The following LINGO2 variants were observed in gnomAD, a reference collection of about 807,000 sequenced individuals.
LINGO2 encodes the protein leucine rich repeat and Ig domain containing 2.
A neutral mutation model predicts 30.6 loss-of-function variants in LINGO2; 14 were observed. That is an observed-to-expected ratio of 0.46 (90% CI 0.30 to 0.72). The LOEUF (loss-of-function observed/expected upper bound fraction) is 0.72. LINGO2 is among the 30% of genes least tolerant of loss of function. The pLI is 0.07. For missense variants in LINGO2, 729 were observed against 751.7 expected (o/e 0.97, Z 0.35); for synonymous variants, 317 against 288.5 (o/e 1.10, Z -1.00).
intron 5 of LINGO2, among the ~76,000 whole-genome samples, chr9:27,979,719 G>A (rs16912195): frequency 0.023 from 3,539 of 152,000 alleles, 164 homozygotes; most frequent in East Asian, 0.16. Flanking sequence ...ATTTGGAAGA[G>A]CATTCCACTG....
At chr9:28,678,092 T>G in the LINGO2 span, among the ~76,000 whole-genome samples, 1 of 151,188 alleles carries the variant, frequency 6.6e-6, no homozygotes, top group African/African-American at 2.4e-5. Context: ...TCTTAAAATA[T>G]CAATTGGATC....
At chr9:28,124,726 A>G (rs1827191072) in intron 4 of LINGO2, among the ~76,000 whole-genome samples, 1 of 152,228 alleles carries the variant, frequency 6.6e-6, no homozygotes. Flanking sequence ...ATTCATTAGT[A>G]ATGTTCTGGG....
chr9:29,054,523 C>G, the LINGO2 span, among the ~76,000 whole-genome samples: 1 of 152,224 alleles, frequency 6.6e-6, no homozygotes, highest in South Asian at 2.1e-4. Flanking sequence ...AGCAAAATTA[C>G]AAATGCTTTT....
intron 5 of LINGO2, among the ~76,000 whole-genome samples, chr9:27,975,470 G>T (rs952538181): frequency 1.9e-4 from 29 of 152,112 alleles, no homozygotes; most frequent in African/African-American, 7.0e-4. Context: ...TTTCTATCAT[G>T]ATCAATTTCT....
the LINGO2 span, among the ~76,000 whole-genome samples, chr9:28,943,902 G>A: frequency 4.4e-3 from 672 of 152,138 alleles, 5 homozygotes; most frequent in African/African-American, 0.015. Context: ...GATTAACTTC[G>A]TAAAGGAACC....
At chr9:27,950,495 G>T (rs1819247572) in exon 6 of LINGO2, 2 of 1,596,062 alleles carry the variant, frequency 1.3e-6, no homozygotes, top group Non-Finnish European at 1.7e-6. Flanking sequence ...CCAAGATTTT[G>T]GTTTCGATGG....
At chr9:28,381,791 G>A (rs1411622498) in intron 2 of LINGO2, among the ~76,000 whole-genome samples, 5 of 152,016 alleles carry the variant, frequency 3.3e-5, no homozygotes, top group Non-Finnish European at 5.9e-5. Context: ...CATTTATGTC[G>A]CACTTCTAAC....
At chr9:29,155,368 A>T in the LINGO2 span, among the ~76,000 whole-genome samples, 1 of 152,044 alleles carries the variant, frequency 6.6e-6, no homozygotes, top group African/African-American at 2.4e-5. Flanking sequence ...TGAATGATAG[A>T]TCTCTACTTT....
chr9:28,227,914 A>G (rs571968550), intron 4 of LINGO2, among the ~76,000 whole-genome samples: 1 of 152,236 alleles, frequency 6.6e-6, no homozygotes, highest in African/African-American at 2.4e-5. Flanking sequence ...AAAAAGCCAC[A>G]ACACTTTGAT....
intron 1 of LINGO2, among the ~76,000 whole-genome samples, chr9:28,503,873 A>G (rs1471287305): frequency 6.6e-6 from 1 of 151,864 alleles, no homozygotes; most frequent in African/African-American, 2.4e-5. Context: ...AAAAAACAAT[A>G]AAAATAAAAA....
the LINGO2 span, among the ~76,000 whole-genome samples, chr9:28,939,805 C>A: frequency 6.6e-6 from 1 of 152,060 alleles, no homozygotes; most frequent in African/African-American, 2.4e-5. Flanking sequence ...TGCATTTCTA[C>A]CCCACCTTTC....
intron 4 of LINGO2, among the ~76,000 whole-genome samples, chr9:28,132,198 C>T (rs755839819): frequency 1.3e-5 from 2 of 152,098 alleles, no homozygotes; most frequent in Non-Finnish European, 2.9e-5. Context: ...TGTTCTATGT[C>T]GTCTATGTTT....
At chr9:28,699,577 G>A in the LINGO2 span, among the ~76,000 whole-genome samples, 1 of 151,980 alleles carries the variant, frequency 6.6e-6, no homozygotes, top group Non-Finnish European at 1.5e-5. Flanking sequence ...GATTTTCAGG[G>A]AACAAGGGAA....
At chr9:28,097,924 C>G (rs1268191803) in intron 4 of LINGO2, among the ~76,000 whole-genome samples, 1 of 151,888 alleles carries the variant, frequency 6.6e-6, no homozygotes, top group Non-Finnish European at 1.5e-5. Flanking sequence ...AGCTGGATAC[C>G]TAGTTTAAGG....
chr9:28,872,021 C>G, the LINGO2 span, among the ~76,000 whole-genome samples: 1 of 151,648 alleles, frequency 6.6e-6, no homozygotes, highest in African/African-American at 2.4e-5. Flanking sequence ...TGTTGATTTC[C>G]TCTCAATTTA....
chr9:28,292,628 A>G (rs1253470979), intron 4 of LINGO2, among the ~76,000 whole-genome samples: 2 of 151,614 alleles, frequency 1.3e-5, no homozygotes, highest in Admixed American at 6.6e-5. Flanking sequence ...ATGCACAGCT[A>G]ATTTTTGTAT....
the LINGO2 span, among the ~76,000 whole-genome samples, chr9:29,107,154 G>T: frequency 1.3e-5 from 2 of 151,970 alleles, no homozygotes; most frequent in Non-Finnish European, 2.9e-5. Flanking sequence ...TTCAGAACAA[G>T]GATCTCTGAG....
intron 4 of LINGO2, among the ~76,000 whole-genome samples, chr9:28,051,220 G>GT (rs1824655913): frequency 7.1e-6 from 1 of 140,916 alleles, no homozygotes; most frequent in African/African-American, 2.7e-5. Context: ...AGCTAGTATA[G>GT]TTTTCTCCAA....
chr9:28,696,296 G>T, the LINGO2 span, among the ~76,000 whole-genome samples: 1 of 151,912 alleles, frequency 6.6e-6, no homozygotes, highest in East Asian at 1.9e-4. Context: ...CTTCTTTACA[G>T]CTTGTAGCAA....
Sources: gnomAD v4.1 joint callset for allele counts (sites outside exome capture counted in the v4.1 genomes callset) on GRCh38, gnomAD v4.1.1 for gene constraint, MANE v1.5 for transcripts, NCBI Gene and HGNC (gene_info 2026-07-23, HGNC 2026-07-21) for gene names.